ANKS1B: variants seen among roughly 807,000 people sequenced by gnomAD.
ANKS1B encodes ankyrin repeat and sterile alpha motif domain containing 1B.
Under a neutral mutation model 148.3 loss-of-function variants are expected in ANKS1B, and 36 were observed. That is an observed-to-expected ratio of 0.24 (90% CI 0.19 to 0.32). ANKS1B has a LOEUF of 0.32. ANKS1B is among the 10% of genes least tolerant of loss of function. The pLI is 1.00. For missense variants in ANKS1B, 1,157 were observed against 1,542.6 expected (o/e 0.75, Z 4.19); for synonymous variants, 542 against 560.8 (o/e 0.97, Z 0.47).
intron 12 of ANKS1B, among the ~76,000 whole-genome samples, chr12:99,314,855 T>C (rs1203113269): frequency 1.3e-5 from 2 of 152,162 alleles, no homozygotes; most frequent in African/African-American, 4.8e-5. Context: ...GACATAGGCA[T>C]GGGCAAAGAT....
intron 8 of ANKS1B, among the ~76,000 whole-genome samples, chr12:99,689,246 T>C (rs1013722330): frequency 6.6e-6 from 1 of 152,224 alleles, no homozygotes; most frequent in African/African-American, 2.4e-5. Flanking sequence ...TCCTAATAAT[T>C]AGACTGGATT....
intron 1 of ANKS1B, among the ~76,000 whole-genome samples, chr12:99,851,988 T>G (rs1465879447): frequency 6.6e-6 from 1 of 152,190 alleles, no homozygotes; most frequent in Non-Finnish European, 1.5e-5. Flanking sequence ...TGCATGCCTG[T>G]GGTTGACTAG....
chr12:99,514,355 G>A (rs1048970225), intron 9 of ANKS1B, among the ~76,000 whole-genome samples: 1 of 152,010 alleles, frequency 6.6e-6, no homozygotes, highest in Non-Finnish European at 1.5e-5. Context: ...ATTTGTCAAA[G>A]TCTGAAACAA....
chr12:98,755,285 G>T (rs1237520067), intron 25 of ANKS1B, among the ~76,000 whole-genome samples: 1 of 152,206 alleles, frequency 6.6e-6, no homozygotes, highest in African/African-American at 2.4e-5. Context: ...CTACCGGGAT[G>T]AGGTTGAAAA....
At chr12:99,725,846 A>C (rs1600723752) in intron 8 of ANKS1B, among the ~76,000 whole-genome samples, 2 of 152,288 alleles carry the variant, frequency 1.3e-5, no homozygotes, top group East Asian at 3.9e-4. Context: ...TAAGAAACTC[A>C]CTCAAAACCA....
chr12:99,079,677 A>C (rs2048984400), intron 16 of ANKS1B: 1 of 152,208 alleles, frequency 6.6e-6, no homozygotes, highest in Admixed American at 6.5e-5. Context: ...GTATTGTGGA[A>C]GCCGAAAGAA....
At chr12:98,875,097 A>C (rs904565415) in intron 17 of ANKS1B, among the ~76,000 whole-genome samples, 1 of 152,214 alleles carries the variant, frequency 6.6e-6, no homozygotes, top group Non-Finnish European at 1.5e-5. Context: ...ACCCTTCTTC[A>C]TCCTAGACTT....
intron 9 of ANKS1B, among the ~76,000 whole-genome samples, chr12:99,564,415 T>C (rs2097367901): frequency 6.6e-6 from 1 of 151,950 alleles, no homozygotes; most frequent in South Asian, 2.1e-4. Flanking sequence ...ATACTCTATA[T>C]AAAATTATCC....
intron 12 of ANKS1B, among the ~76,000 whole-genome samples, chr12:99,383,451 C>T (rs2093726635): frequency 6.6e-6 from 1 of 152,212 alleles, no homozygotes; most frequent in African/African-American, 2.4e-5. Flanking sequence ...CACCTCTCAC[C>T]ATTCTTTGAT....
chr12:99,266,647 T>C (rs2076474649), intron 12 of ANKS1B, among the ~76,000 whole-genome samples: 1 of 152,166 alleles, frequency 6.6e-6, no homozygotes, highest in African/African-American at 2.4e-5. Context: ...TCTCATCATT[T>C]ATCACACAGT....
rs542723848 is a variant in ANKS1B, at chr12:99,233,262, G to A, written c.2419+11080C>T. On this transcript the variant is annotated intron_variant, in intron 14 of 26. Transcript: ENST00000683438. Reference sequence around the variant, plus strand: ...ATTTCAGATAAGGGATACCTAAACTGTAGTAGTACAGTGTATAATTTAATC... The same window carrying A: ...ATTTCAGATAAGGGATACCTAAACTATAGTAGTACAGTGTATAATTTAATC... Among the ~76,000 whole-genome samples, 6 of 152,178 alleles carry A rather than the reference G, an allele frequency of 3.9e-5. No homozygotes were observed. In the East Asian group the frequency reaches 1.2e-3, roughly 29 times the overall value.
intron 8 of ANKS1B, among the ~76,000 whole-genome samples, chr12:99,745,049 T>C (rs1380829407): frequency 7.3e-6 from 1 of 136,768 alleles, no homozygotes; most frequent in Non-Finnish European, 1.6e-5. Context: ...CAAGAAGCCA[T>C]CCTAACGAAA....
intron 9 of ANKS1B, among the ~76,000 whole-genome samples, chr12:99,542,801 T>C (rs574193588): frequency 1.1e-3 from 165 of 152,170 alleles, no homozygotes; most frequent in Non-Finnish European, 1.8e-3. Flanking sequence ...AAGAATGAAG[T>C]TGAATACCTA....
At chr12:99,233,063 A>G (rs943614290) in intron 14 of ANKS1B, among the ~76,000 whole-genome samples, 7 of 152,094 alleles carry the variant, frequency 4.6e-5, no homozygotes, top group Non-Finnish European at 7.4e-5. Flanking sequence ...TGTGCACAAA[A>G]TTATTAAAAA....
chr12:99,492,526 G>A (rs2096565373), intron 10 of ANKS1B, among the ~76,000 whole-genome samples: 1 of 152,006 alleles, frequency 6.6e-6, no homozygotes, highest in African/African-American at 2.4e-5. Flanking sequence ...AATTGATAAG[G>A]GACTCCTTGC....
intron 8 of ANKS1B, among the ~76,000 whole-genome samples, chr12:99,745,075 A>G (rs1362070488): frequency 6.6e-6 from 1 of 151,570 alleles, no homozygotes; most frequent in Non-Finnish European, 1.5e-5. Context: ...ACAAATGCTT[A>G]TTAAGGGGAT....
intron 12 of ANKS1B, among the ~76,000 whole-genome samples, chr12:99,294,021 T>C (rs2080457412): frequency 6.6e-6 from 1 of 151,930 alleles, no homozygotes; most frequent in Non-Finnish European, 1.5e-5. Flanking sequence ...AAAATACGAG[T>C]AATAATGAAT....
intron 9 of ANKS1B, among the ~76,000 whole-genome samples, chr12:99,625,761 G>T (rs529540911): frequency 6.6e-6 from 1 of 152,040 alleles, no homozygotes; most frequent in Non-Finnish European, 1.5e-5. Context: ...TAAAGAAAAC[G>T]TTCACAGGAG....
intron 9 of ANKS1B, among the ~76,000 whole-genome samples, chr12:99,562,665 T>G (rs1465179017): frequency 6.6e-6 from 1 of 152,126 alleles, no homozygotes; most frequent in Non-Finnish European, 1.5e-5. Context: ...GAGAGTGAAG[T>G]GCTGAGCAAA....
Sources: allele counts gnomAD v4.1 joint callset (sites outside exome capture counted in the v4.1 genomes callset), GRCh38; gene constraint gnomAD v4.1.1; transcripts MANE v1.5; gene names NCBI Gene and HGNC (gene_info 2026-07-23, HGNC 2026-07-21).